ARHGEF26: variants seen among roughly 807,000 people sequenced by gnomAD.
The protein encoded by ARHGEF26 is Rho guanine nucleotide exchange factor 26.
Under a neutral mutation model 89.4 loss-of-function variants are expected in ARHGEF26, and 59 were observed. That is an observed-to-expected ratio of 0.66 (90% CI 0.54 to 0.82). ARHGEF26 has a LOEUF of 0.82. Among genes scored for constraint, ARHGEF26 ranks in the 40% least tolerant of loss-of-function variants. The pLI is 0.00. For missense variants in ARHGEF26, 1,234 were observed against 1,085.6 expected (o/e 1.14, Z -1.92); for synonymous variants, 500 against 428.4 (o/e 1.17, Z -2.06).
At position 154,240,541 on chromosome 3, in the gene ARHGEF26, G is replaced by A. The variant is rs558303659; in HGVS notation, c.2262G>A (p.Ala754=). 48 of 1,612,544 alleles carry A rather than the reference G, an allele frequency of 3.0e-5. No homozygotes were observed. In the East Asian group the frequency reaches 5.8e-4, roughly 19 times the overall value. ...CTCTGACAGTCCTTAGTAACCACGC[G>A]AATGAGAAAGTGGAGATGCTACTAG... ...LFTLTVLSNH[A]NEKVEMLLGA... is the part of the protein sequence containing the mutation. Residue 754 remains alanine (A), a synonymous_variant, in exon 12 of 15, where the codon GCG becomes GCA. Coordinates refer to ENST00000465093, the MANE Select transcript of ARHGEF26 (RefSeq NM_015595.4).
rs772560852 is a variant in ARHGEF26, at chr3:154,124,409, GA to G, written c.1090del (p.Met364CysfsTer2). 6.4e-6 allele frequency: 7 copies of G among 1,089,270 alleles called. No homozygotes were observed. Among genetic ancestry groups the G allele is most frequent in the Non-Finnish European group, 7.2e-6 (6 of 833,608 alleles). The allele number at this position is 1,089,270 out of a possible 1,614,324, so 67.5% of individuals were successfully genotyped here. ...EKFSSLGRIKKKMLKGQGTFD... is the reference protein window; with the variant it reads ...EKFSSLGRIKXKMLKGQGTFD... ...TTTTTTTACTTTTTTTTGTCTCTTA[GA>G]AAAAAATGCTGAAAGGACAAGGAAC... On this transcript the variant is annotated frameshift_variant and splice_region_variant, in exon 3 of 15. Transcript: ENST00000465093. LOFTEE classifies it high-confidence loss of function.
At chr3:154,253,661 C>T (rs1004486065) in intron 13 of ARHGEF26, among the ~76,000 whole-genome samples, 2 of 151,274 alleles carry the variant, frequency 1.3e-5, no homozygotes, top group African/African-American at 2.5e-5. Context: ...TCTTTTTGAC[C>T]TTCTAAGAAA....
chr3:154,187,475 C>G (rs115792432), intron 6 of ARHGEF26, among the ~76,000 whole-genome samples: 1 of 148,360 alleles, frequency 6.7e-6, no homozygotes, highest in African/African-American at 2.5e-5. Flanking sequence ...AGATTATAGG[C>G]GTGAGCCACA....
chr3:154,239,503 G>A (rs1168687303), intron 11 of ARHGEF26, among the ~76,000 whole-genome samples: 1 of 152,018 alleles, frequency 6.6e-6, no homozygotes, highest in Admixed American at 6.6e-5. Flanking sequence ...AGTGATCATT[G>A]TATAGAAGCA....
chr3:154,244,832 C>T (rs1344435800), intron 12 of ARHGEF26, among the ~76,000 whole-genome samples: 2 of 152,070 alleles, frequency 1.3e-5, no homozygotes, highest in African/African-American at 4.8e-5. Context: ...GCCTTCCTGA[C>T]AGTCTAGCAG....
chr3:154,138,494 A>G (rs1030343371), intron 4 of ARHGEF26, among the ~76,000 whole-genome samples: 2 of 152,194 alleles, frequency 1.3e-5, no homozygotes, highest in Non-Finnish European at 2.9e-5. Context: ...TTAAAGGGCA[A>G]CTGAGTGGTA....
chr3:154,133,744 T>C (rs759637984), intron 4 of ARHGEF26, among the ~76,000 whole-genome samples: 54 of 152,218 alleles, frequency 3.5e-4, no homozygotes, highest in Non-Finnish European at 6.2e-4. Flanking sequence ...AGAATCTCAA[T>C]GCTAGTTTAG....
At chr3:154,207,414 A>G (rs1414326689) in intron 9 of ARHGEF26, among the ~76,000 whole-genome samples, 1 of 152,182 alleles carries the variant, frequency 6.6e-6, no homozygotes, top group East Asian at 1.9e-4. Flanking sequence ...AGAAAAAAGA[A>G]TAACTCTTTT....
At chr3:154,187,047 A>G (rs1713606758) in intron 6 of ARHGEF26, 1 of 154,538 alleles carries the variant, frequency 6.5e-6, no homozygotes, top group East Asian at 2.0e-4. Context: ...GCGTGCCACC[A>G]CACCTGTCTA....
At chr3:154,190,148 C>T (rs538211809) in intron 7 of ARHGEF26, among the ~76,000 whole-genome samples, 6 of 152,098 alleles carry the variant, frequency 3.9e-5, no homozygotes, top group Non-Finnish European at 7.3e-5. Context: ...CTACAGAGCT[C>T]CTCATGGGAT....
intron 13 of ARHGEF26, 89 bp from the exon 14 acceptor site, chr3:154,254,631 G>A: frequency 1.0e-6 from 1 of 990,126 alleles, no homozygotes; most frequent in Non-Finnish European, 1.5e-6. Context: ...GCCCTGAATT[G>A]CAGAGAAAAA....
At position 154,257,696 on chromosome 3, in the gene ARHGEF26, A is replaced by T. The variant is rs924544552; in HGVS notation, c.*2223A>T. 6.6e-6 allele frequency: 1 copy of T among 152,134 alleles called. No individual in the cohort carries two copies. Among genetic ancestry groups the T allele is most frequent in the African/African-American group, 2.4e-5 (1 of 41,432 alleles). The allele number at this position is 152,134 out of a possible 1,614,324, so 9.4% of individuals were successfully genotyped here. A position where few individuals can be genotyped will look rare whatever the true frequency, so the allele number is the denominator to read the frequency against. ...TTTTCAAACCTAGTTGTTTCTATGGACACCTGCTCTGAATTGTACATTGAC... is the reference window on the plus strand; with the variant it reads ...TTTTCAAACCTAGTTGTTTCTATGGTCACCTGCTCTGAATTGTACATTGAC... On this transcript the variant is annotated 3_prime_UTR_variant, in exon 15 of 15. Coordinates refer to ENST00000465093, the MANE Select transcript of ARHGEF26 (RefSeq NM_015595.4).
intron 6 of ARHGEF26, among the ~76,000 whole-genome samples, chr3:154,162,062 A>G (rs746091570): frequency 2.6e-5 from 4 of 152,216 alleles, no homozygotes; most frequent in Non-Finnish European, 4.4e-5. Context: ...CTACTTAGTC[A>G]TTAGCTGTTA....
In ARHGEF26 at chr3:154,121,982, G is replaced by C. The variant is rs374286801; in HGVS notation, c.-11G>C. On this transcript the variant is annotated 5_prime_UTR_variant, in exon 2 of 15. Coordinates refer to ENST00000465093, the MANE Select transcript of ARHGEF26 (RefSeq NM_015595.4). ...TGTTGCTCCTCCCGGCGCTGACTTCGAGGCCCGGCTATGGACGGCGAGAGC... is the reference window on the plus strand; with the variant it reads ...TGTTGCTCCTCCCGGCGCTGACTTCCAGGCCCGGCTATGGACGGCGAGAGC... 51 of 1,579,076 alleles carry C rather than the reference G, an allele frequency of 3.2e-5. No homozygotes were observed. The highest frequency in any genetic ancestry group is 4.3e-5 in the Non-Finnish European group (50 of 1,156,832).
chr3:154,173,115 A>G (rs1404189893), intron 6 of ARHGEF26, among the ~76,000 whole-genome samples: 2 of 152,132 alleles, frequency 1.3e-5, no homozygotes, highest in Non-Finnish European at 2.9e-5. Flanking sequence ...TATTAATACC[A>G]TTTCATATCG....
At chr3:154,169,976 T>C (rs1277507640) in intron 6 of ARHGEF26, among the ~76,000 whole-genome samples, 1 of 152,016 alleles carries the variant, frequency 6.6e-6, no homozygotes, top group African/African-American at 2.4e-5. Flanking sequence ...AAGCCAGAAG[T>C]AGTCAGCTTC....
rs781531547 is a variant in ARHGEF26, at chr3:154,223,222, T to C, written c.1936-2634T>C. ...GTTAGTTGACAGAAGGCTTTGCTGG[T>C]TGCCATTTGGGGGCCTTGCTAACAA... On this transcript the variant is annotated intron_variant, in intron 10 of 14. Transcript: ENST00000465093. 6.4e-4 allele frequency among the ~76,000 whole-genome samples: 98 copies of C among 152,134 alleles called. 1 individual carries two copies. The highest frequency in any genetic ancestry group is 1.3e-3 in the Non-Finnish European group (88 of 68,034).
At chr3:154,235,009 G>A (rs974550890) in intron 11 of ARHGEF26, among the ~76,000 whole-genome samples, 18 of 151,862 alleles carry the variant, frequency 1.2e-4, no homozygotes, top group South Asian at 6.2e-4. Context: ...TGATCCGCCC[G>A]CCTTGGCCTC....
intron 9 of ARHGEF26, among the ~76,000 whole-genome samples, chr3:154,206,183 G>A (rs1317911782): frequency 6.6e-6 from 1 of 151,944 alleles, no homozygotes; most frequent in Middle Eastern, 3.2e-3. Context: ...AAAGTTTTTT[G>A]CCTTCAGCAC....
Sources: gnomAD v4.1 joint callset for allele counts (sites outside exome capture counted in the v4.1 genomes callset) on GRCh38, gnomAD v4.1.1 for gene constraint, MANE v1.5 for transcripts, NCBI Gene and HGNC (gene_info 2026-07-23, HGNC 2026-07-21) for gene names.